Variants in COL21A1 observed in about 807,000 individuals in gnomAD.
The protein encoded by COL21A1 is collagen alpha-1(XXI) chain.
In COL21A1, 149 loss-of-function variants were observed where a neutral mutation model predicts 137.9. The observed-to-expected ratio is 1.08, with a 90% confidence interval of 0.95 to 1.24. The LOEUF (loss-of-function observed/expected upper bound fraction) is 1.24, where lower values mean the gene tolerates loss of function less well. Among genes scored for constraint, COL21A1 ranks in the 50% most tolerant of loss-of-function variants. The probability of loss-of-function intolerance (pLI) is 0.00; values close to 1 mark genes in which losing one functional copy is unlikely to be tolerated. For missense variants in COL21A1, 1,167 were observed against 1,158.4 expected (o/e 1.01, Z -0.11); for synonymous variants, 456 against 391.5 (o/e 1.16, Z -1.95).
intron 1 of COL21A1, among the ~76,000 whole-genome samples, chr6:56,245,252 G>A (rs1327648885): frequency 6.6e-6 from 1 of 151,986 alleles, no homozygotes; most frequent in Non-Finnish European, 1.5e-5. Flanking sequence ...CAGATTTTAC[G>A]GCTATTTAAA....
At chr6:56,269,989 A>G (rs1251093547) in intron 1 of COL21A1, among the ~76,000 whole-genome samples, 2 of 152,224 alleles carry the variant, frequency 1.3e-5, no homozygotes, top group African/African-American at 2.4e-5. Flanking sequence ...ACTTAAATGC[A>G]TAGCCCAGAA....
rs138388753 is a variant in COL21A1, at chr6:56,102,034, A to G, written c.1759-509T>C. 1.4e-3 allele frequency among the ~76,000 whole-genome samples: 214 copies of G among 152,248 alleles called. 1 individual carries two copies. The highest frequency in any genetic ancestry group is 5.1e-3 in the African/African-American group (211 of 41,556). ...TACGTATTTAAAATAAACATCTATAATGCATATTTTAGGTAGCTGTTAAAT... is the reference window on the plus strand; with the variant it reads ...TACGTATTTAAAATAAACATCTATAGTGCATATTTTAGGTAGCTGTTAAAT... On this transcript the variant is annotated intron_variant, in intron 16 of 29. Transcript: ENST00000244728.
At chr6:56,312,299 A>T (rs957939352) in intron 1 of COL21A1, among the ~76,000 whole-genome samples, 3 of 152,220 alleles carry the variant, frequency 2.0e-5, no homozygotes, top group African/African-American at 7.2e-5. Flanking sequence ...CAACTAGAGA[A>T]ACAGCAGCAG....
Position 56,059,211 on chromosome 6 carries a change from G to C in COL21A1, c.2640C>G (p.Ser880Arg). 2 of 1,607,764 alleles carry C rather than the reference G, an allele frequency of 1.2e-6. No individual in the cohort carries two copies. The highest frequency in any genetic ancestry group is 1.7e-6 in the Non-Finnish European group (2 of 1,178,090). ...GLPGRNGEKG[S>R]QGFGYPGEQG... ...GTTCTCCAGGATACCCAAACCCTTGGCTCCCTTTTTCCCCATTTCTTCCTG... is the reference window on the plus strand; with the variant it reads ...GTTCTCCAGGATACCCAAACCCTTGCCTCCCTTTTTCCCCATTTCTTCCTG... Residue 880 changes from serine to arginine, a missense_variant, in exon 29 of 30, where the codon AGC (serine) becomes AGG (arginine). Physicochemically the swap from Ser to Arg is moderately radical, Grantham distance 110. Transcript: ENST00000244728.
At chr6:56,355,433 G>C (rs977126598) in intron 1 of COL21A1, among the ~76,000 whole-genome samples, 24 of 150,010 alleles carry the variant, frequency 1.6e-4, no homozygotes, top group African/African-American at 5.3e-4. Flanking sequence ...GAGACGGGGT[G>C]GGGGGTAAAC....
chr6:56,250,081 G>A (rs1317928932), upstream of COL21A1, among the ~76,000 whole-genome samples: 1 of 152,180 alleles, frequency 6.6e-6, no homozygotes, highest in Non-Finnish European at 1.5e-5. Context: ...TTTAAAACAT[G>A]TCTGCACAAT....
At chr6:56,360,475 T>A (rs1289218560) in intron 1 of COL21A1, among the ~76,000 whole-genome samples, 1 of 152,126 alleles carries the variant, frequency 6.6e-6, no homozygotes, top group East Asian at 1.9e-4. Context: ...AGTGATGATG[T>A]GGTGGCAAGA....
At chr6:56,216,527 CT>C in intron 1 of COL21A1, among the ~76,000 whole-genome samples, 1 of 152,132 alleles carries the variant, frequency 6.6e-6, no homozygotes, top group East Asian at 1.9e-4. Context: ...TGCCCCATCT[CT>C]TTTTACTCTG....
intron 23 of COL21A1, among the ~76,000 whole-genome samples, chr6:56,066,701 A>G (rs1199704033): frequency 6.6e-6 from 1 of 151,794 alleles, no homozygotes. Context: ...AACCCATTCC[A>G]TAGACACTTT....
At chr6:56,328,769 C>G (rs1765157532) in intron 1 of COL21A1, among the ~76,000 whole-genome samples, 1 of 151,978 alleles carries the variant, frequency 6.6e-6, no homozygotes, top group Non-Finnish European at 1.5e-5. Flanking sequence ...AAATATATAA[C>G]AGAAAAACAT....
chr6:56,242,440 T>C (rs991653285), intron 1 of COL21A1, among the ~76,000 whole-genome samples: 1 of 152,176 alleles, frequency 6.6e-6, no homozygotes, highest in Non-Finnish European at 1.5e-5. Flanking sequence ...TAGTCTTTTC[T>C]TCTCGACACC....
chr6:56,097,446 G>T (rs879597459), intron 17 of COL21A1, among the ~76,000 whole-genome samples: 2 of 151,976 alleles, frequency 1.3e-5, no homozygotes, highest in African/African-American at 2.4e-5. Context: ...CAACTAGGCT[G>T]TAAGCCTCCA....
intron 1 of COL21A1, among the ~76,000 whole-genome samples, chr6:56,299,906 G>GA (rs1169530656): frequency 6.6e-6 from 1 of 151,942 alleles, no homozygotes; most frequent in Non-Finnish European, 1.5e-5. Context: ...CCTTTCTCCC[G>GA]ATAAATAAAA....
intron 1 of COL21A1, among the ~76,000 whole-genome samples, chr6:56,376,980 C>CTTT (rs11396420): frequency 5.1e-5 from 7 of 137,776 alleles, no homozygotes; most frequent in African/African-American, 8.1e-5. Context: ...AGAAAAAAGT[C>CTTT]TTTTTTTTTT....
intron 12 of COL21A1, among the ~76,000 whole-genome samples, chr6:56,135,502 G>T (rs1422197637): frequency 6.6e-6 from 1 of 151,908 alleles, no homozygotes; most frequent in Non-Finnish European, 1.5e-5. Context: ...TATACTTGTT[G>T]AAAGAGAATC....
At chr6:56,119,856 T>C (rs576395512) in intron 16 of COL21A1, among the ~76,000 whole-genome samples, 2 of 152,252 alleles carry the variant, frequency 1.3e-5, no homozygotes, top group East Asian at 3.9e-4. Flanking sequence ...GATGTTCCTA[T>C]GCAGAACAAT....
intron 1 of COL21A1, among the ~76,000 whole-genome samples, chr6:56,185,401 T>C (rs1403484751): frequency 6.7e-6 from 1 of 148,726 alleles, no homozygotes; most frequent in East Asian, 2.0e-4. Context: ...ATTAAAAGGG[T>C]AAGTGGACAG....
intron 17 of COL21A1, among the ~76,000 whole-genome samples, chr6:56,100,092 A>T (rs750318260): frequency 1.3e-5 from 2 of 152,334 alleles, no homozygotes; most frequent in South Asian, 4.1e-4. Context: ...GCCCTAGCCA[A>T]GTTTCTACCT....
chr6:56,305,255 G>T (rs917383311), intron 1 of COL21A1, among the ~76,000 whole-genome samples: 6 of 152,112 alleles, frequency 3.9e-5, no homozygotes, highest in Non-Finnish European at 8.8e-5. Context: ...AGGTCTGCTT[G>T]GTGTAGAGCT....
Sources: allele counts gnomAD v4.1 joint callset (sites outside exome capture counted in the v4.1 genomes callset), GRCh38; gene constraint gnomAD v4.1.1; transcripts MANE v1.5; gene names NCBI Gene and HGNC (gene_info 2026-07-23, HGNC 2026-07-21).